PPHLN1: variants seen among roughly 807,000 people sequenced by gnomAD.
PPHLN1 encodes periphilin-1.
A neutral mutation model predicts 51.3 loss-of-function variants in PPHLN1; 29 were observed. The observed-to-expected ratio is 0.57, with a 90% CI of 0.42 to 0.77. PPHLN1 has a LOEUF of 0.77. Among genes scored for constraint, PPHLN1 ranks in the 30% least tolerant of loss-of-function variants. The pLI is 0.00. For synonymous variants in PPHLN1, 147 were observed against 147.8 expected (o/e 0.99, Z 0.04); for missense variants, 436 against 438.4 (o/e 0.99, Z 0.05).
intron 9 of PPHLN1, among the ~76,000 whole-genome samples, chr12:42,422,083 T>G (rs1195977916): frequency 6.6e-6 from 1 of 152,190 alleles, no homozygotes; most frequent in Non-Finnish European, 1.5e-5. Flanking sequence ...CAGGGTCAGA[T>G]TTCAGCACTA....
chr12:42,399,078 A>G, intron 9 of PPHLN1, 84 bp downstream of exon 9: 1 of 1,517,146 alleles, frequency 6.6e-7, no homozygotes, highest in Non-Finnish European at 8.8e-7. Context: ...AATATGCTTC[A>G]TTTCTTTTTC....
chr12:42,398,905 AAC>A lies in PPHLN1; in HGVS notation c.824_825del (p.Thr275AsnfsTer8). 1 of 1,614,146 alleles carries A rather than the reference AAC, an allele frequency of 6.2e-7. No homozygotes were observed. The part of the protein sequence containing the change: ...FTDQPEEPES[N>X]TTHGIELFED... ...TGACCAGCCAGAGGAACCTGAGTCA[AAC>A]ACAACACATGGGATAGAATTATTTG... is the stretch of plus-strand genomic sequence containing the variant. On this transcript the variant is annotated frameshift_variant, in exon 9 of 10. Coordinates refer to ENST00000358314, the MANE Select transcript of PPHLN1 (RefSeq NM_201439.2). LOFTEE classifies it high-confidence loss of function.
At chr12:42,357,589 A>G (rs2138357154) in intron 4 of PPHLN1, among the ~76,000 whole-genome samples, 1 of 152,324 alleles carries the variant, frequency 6.6e-6, no homozygotes, top group East Asian at 1.9e-4. Flanking sequence ...TATCCAAATA[A>G]TATCTGACAT....
At chr12:42,351,571 G>A (rs1348405232) in intron 2 of PPHLN1, 1 of 173,618 alleles carries the variant, frequency 5.8e-6, no homozygotes, top group Non-Finnish European at 1.2e-5. Context: ...TAGGGATAGA[G>A]CTACTGTAAC....
intron 5 of PPHLN1, 59 bp downstream of exon 5, chr12:42,375,133 G>A: frequency 1.6e-6 from 2 of 1,284,426 alleles, no homozygotes; most frequent in Admixed American, 2.4e-5. Flanking sequence ...AGAATGTACT[G>A]AGTCAGATTT....
intron 9 of PPHLN1, among the ~76,000 whole-genome samples, chr12:42,419,033 T>C (rs1336058857): frequency 6.6e-6 from 1 of 152,180 alleles, no homozygotes; most frequent in East Asian, 1.9e-4. Context: ...TATAAAATCA[T>C]TATTTGTCAG....
intron 5 of PPHLN1, among the ~76,000 whole-genome samples, chr12:42,382,503 G>A (rs1024412840): frequency 5.9e-5 from 9 of 152,112 alleles, no homozygotes; most frequent in African/African-American, 2.2e-4. Flanking sequence ...CAAGCAGGGA[G>A]GTAGTGTCTG....
intron 9 of PPHLN1, among the ~76,000 whole-genome samples, chr12:42,430,277 T>TCACACA (rs141544668): frequency 1.3e-5 from 2 of 148,952 alleles, no homozygotes; most frequent in East Asian, 2.0e-4. Context: ...ACCCCTACAG[T>TCACACA]CACACACACA....
intron 9 of PPHLN1, among the ~76,000 whole-genome samples, chr12:42,407,221 A>T (rs2079391081): frequency 6.6e-6 from 1 of 152,196 alleles, no homozygotes; most frequent in Admixed American, 6.5e-5. Context: ...ACTCTCAGAG[A>T]CAATAAACAA....
At chr12:42,358,986 T>C (rs1019855239) in intron 4 of PPHLN1, among the ~76,000 whole-genome samples, 14 of 152,212 alleles carry the variant, frequency 9.2e-5, no homozygotes, top group African/African-American at 3.4e-4. Context: ...AATCTTAACA[T>C]TTTAATTTAG....
At chr12:42,433,617 C>T (rs184197178) in intron 9 of PPHLN1, among the ~76,000 whole-genome samples, 6 of 152,284 alleles carry the variant, frequency 3.9e-5, no homozygotes, top group Admixed American at 2.0e-4. Context: ...CCACCGCACC[C>T]GGCCCACACT....
At chr12:42,391,202 C>G (rs2077675181) in intron 7 of PPHLN1, among the ~76,000 whole-genome samples, 1 of 152,074 alleles carries the variant, frequency 6.6e-6, no homozygotes, top group Admixed American at 6.6e-5. Context: ...TTCGAATGTG[C>G]AGAGAGAATG....
At chr12:42,376,071 A>C (rs1219194107) in intron 5 of PPHLN1, among the ~76,000 whole-genome samples, 1 of 152,246 alleles carries the variant, frequency 6.6e-6, no homozygotes, top group Non-Finnish European at 1.5e-5. Flanking sequence ...AGAAAAATTA[A>C]TTCACACTCT....
intron 7 of PPHLN1, among the ~76,000 whole-genome samples, chr12:42,390,818 G>GTT (rs34282980): frequency 0.025 from 2,937 of 118,548 alleles, 168 homozygotes; most frequent in African/African-American, 0.086. Context: ...AGACCGTGAA[G>GTT]TTTTTTTTTT....
chr12:42,400,761 CTCTCTCTCTCTCTT>C (rs1269352254), intron 9 of PPHLN1, among the ~76,000 whole-genome samples: 2 of 148,748 alleles, frequency 1.3e-5, no homozygotes, highest in Non-Finnish European at 3.0e-5. Context: ...GACCCTGTCT[CTCTCTCTCTCTCTT>C]TCTCTCTCTC....
chr12:42,431,177 G>A (rs1223107429), intron 9 of PPHLN1, among the ~76,000 whole-genome samples: 1 of 152,128 alleles, frequency 6.6e-6, no homozygotes, highest in Non-Finnish European at 1.5e-5. Context: ...TCTCTATAAA[G>A]CATTTAAAAA....
At chr12:42,372,592 C>T (rs2075902350) in intron 4 of PPHLN1, among the ~76,000 whole-genome samples, 1 of 152,158 alleles carries the variant, frequency 6.6e-6, no homozygotes, top group Non-Finnish European at 1.5e-5. Context: ...TCCCATTCTT[C>T]GACAGCCCAT....
At chr12:42,396,770 A>T (rs1219553939) in intron 8 of PPHLN1, among the ~76,000 whole-genome samples, 1 of 150,780 alleles carries the variant, frequency 6.6e-6, no homozygotes, top group Non-Finnish European at 1.5e-5. Context: ...AGGCTGGGTG[A>T]CAGAGCAAGA....
At position 42,352,018 on chromosome 12, in the gene PPHLN1, A is replaced by G. The variant is rs2073427096; in HGVS notation, c.206A>G (p.His69Arg). The G allele has an allele frequency of 1.3e-6, 2 of 1,542,444 alleles. No homozygotes were observed. Among genetic ancestry groups the G allele is most frequent in the Non-Finnish European group, 1.7e-6 (2 of 1,150,188 alleles). Residue 69 changes from histidine to arginine, a missense_variant, in exon 3 of 10, where the codon CAT becomes CGT. Coordinates refer to ENST00000358314, the MANE Select transcript of PPHLN1 (RefSeq NM_201439.2). ...TATGACGAGGGCCGCAGTTTTTCTC[A>G]TGATCGAAGAAGTGGTCCACCTCAC... ...RDYDEGRSFS[H>R]DRRSGPPHRG...
Sources: gnomAD v4.1 joint callset for allele counts (sites outside exome capture counted in the v4.1 genomes callset) on GRCh38, gnomAD v4.1.1 for gene constraint, MANE v1.5 for transcripts, NCBI Gene and HGNC (gene_info 2026-07-23, HGNC 2026-07-21) for gene names.